Variants in AGBL5 observed in about 807,000 individuals in gnomAD.
The protein encoded by AGBL5 is cytosolic carboxypeptidase-like protein 5.
In AGBL5, 51 loss-of-function variants were observed where a neutral mutation model predicts 88.0. The ratio of observed to expected loss-of-function variants is 0.58; its 90% CI spans 0.46 to 0.73. AGBL5 has a LOEUF of 0.73. Ranked by LOEUF, AGBL5 falls within the 30% of genes least tolerant of loss-of-function variation. The probability of loss-of-function intolerance (pLI) is 0.00; values close to 1 mark genes in which losing one functional copy is unlikely to be tolerated. For synonymous variants in AGBL5, 446 were observed against 438.8 expected (o/e 1.02, Z -0.21); for missense variants, 1,031 against 1,162.2 (o/e 0.89, Z 1.64).
chr2:27,066,234 C>CAAAAAA (rs5830033), intron 11 of AGBL5, among the ~76,000 whole-genome samples: 3 of 84,460 alleles, frequency 3.6e-5, no homozygotes, highest in Non-Finnish European at 7.5e-5. Context: ...ACCCTGTCTC[C>CAAAAAA]AAAAAAAAAA....
In AGBL5 at chr2:27,068,665, A is replaced by C; in HGVS notation, c.2276A>C (p.Lys759Thr). The change falls in exon 13 of 15, where the codon AAA (lysine) becomes ACA (threonine). Residue 759 changes from lysine (K) to threonine (T), a missense_variant. Physicochemically the swap from Lys to Thr is moderately conservative, Grantham distance 78 (BLOSUM62 -1). Transcript: ENST00000360131. ...SSCSLLSSGD[K>T]PEAVMVIGKG... Reference sequence around the variant, plus strand: ...TGCTCACTCTTGTCCTCTGGAGACAAACCAGAGGCTGTCATGGTAATCGGG... The same window carrying C: ...TGCTCACTCTTGTCCTCTGGAGACACACCAGAGGCTGTCATGGTAATCGGG... 3 of 1,614,126 alleles carry C rather than the reference A, an allele frequency of 1.9e-6. No individual in the cohort carries two copies. The highest frequency in any genetic ancestry group is 2.5e-6 in the Non-Finnish European group (3 of 1,180,024).
chr2:27,057,814 G>A (rs1272066647), intron 9 of AGBL5, among the ~76,000 whole-genome samples: 1 of 152,190 alleles, frequency 6.6e-6, no homozygotes, highest in Non-Finnish European at 1.5e-5. Flanking sequence ...GGTGGCTCAT[G>A]CCTATAATCC....
intron 12 of AGBL5, 119 bp from the exon 13 acceptor site, chr2:27,068,513 C>T: frequency 3.8e-6 from 3 of 794,368 alleles, no homozygotes; most frequent in South Asian, 1.7e-5. Context: ...CTACTCCCCA[C>T]GATAAAGAAT....
Position 27,057,354 on chromosome 2 carries a change from T to C in AGBL5, c.1587T>C (p.Pro529=). The change falls in exon 9 of 15, where the codon CCT becomes CCC. Residue 529 remains proline (P), a synonymous_variant. Coordinates refer to ENST00000360131, the MANE Select transcript of AGBL5 (RefSeq NM_021831.6). ...YNTGRSVNSI[P]AACHDNGRAS... is the part of the protein sequence containing the mutation. ...CTGGACGCTCAGTAAACAGCATCCC[T>C]GCTGCCTGCCATGACAATGGGCGTG... 1 of 1,614,140 alleles carries C rather than the reference T, an allele frequency of 6.2e-7. No homozygotes were observed. The highest frequency in any genetic ancestry group is 2.2e-5 in the East Asian group (1 of 44,892).
At position 27,053,911 on chromosome 2, in the gene AGBL5, T is replaced by TTTGTG. The variant is rs1263380803; in HGVS notation, c.406_410dup (p.Ser138CysfsTer33). On this transcript the variant is annotated frameshift_variant, in exon 4 of 15. Coordinates refer to ENST00000360131, the MANE Select transcript of AGBL5 (RefSeq NM_021831.6). LOFTEE classifies it high-confidence loss of function. This position sits in a 1 kb window ranked among gnomAD's most constrained non-coding sequence, Gnocchi z 4.9. ...TGCTCTTCAGATGACAGAGACGCAG[T>TTTGTG]TTGTGTTATCCTTTGTTCATCGTTT... The TTTGTG allele has an allele frequency of 6.2e-7, 1 of 1,613,250 alleles. No individual in the cohort carries two copies. The highest frequency in any genetic ancestry group is 8.5e-7 in the Non-Finnish European group (1 of 1,179,568).
intron 13 of AGBL5, 86 bp from the exon 14 acceptor site, chr2:27,069,487 C>G: frequency 6.4e-7 from 1 of 1,564,476 alleles, no homozygotes; most frequent in Non-Finnish European, 8.7e-7. Flanking sequence ...CTACAACACT[C>G]TTATGCATGG....
upstream of AGBL5, chr2:27,051,137 T>C (rs1429232064): frequency 1.3e-5 from 2 of 152,118 alleles, no homozygotes; most frequent in Admixed American, 1.3e-4. Flanking sequence ...ATAAATGTCC[T>C]GAACTGTGGT....
chr2:27,061,471 G>A (rs1572826460), intron 11 of AGBL5, among the ~76,000 whole-genome samples: 2 of 152,144 alleles, frequency 1.3e-5, no homozygotes, highest in South Asian at 4.1e-4. Flanking sequence ...TCCTGACCTC[G>A]TGATCGCCTG....
chr2:27,068,723 C>G lies in AGBL5; in HGVS notation c.2334C>G (p.Pro778=), dbSNP rs1487343295. Residue 778 remains proline (P), a synonymous_variant, in exon 13 of 15, where the codon CCC becomes CCG. Coordinates refer to ENST00000360131, the MANE Select transcript of AGBL5 (RefSeq NM_021831.6). ...KGLLGTGARM[P]CIKTRLQARP... ...TGCTAGGGACTGGAGCTCGGATGCC[C>G]TGCATCAAGACTCGATTGCAGGTAA... The G allele has an allele frequency of 1.2e-6, 2 of 1,614,078 alleles. No individual in the cohort carries two copies. The highest frequency in any genetic ancestry group is 4.5e-5 in the East Asian group (2 of 44,864).
In AGBL5 at chr2:27,054,741, G is replaced by A. The variant is rs371735590; in HGVS notation, c.663G>A (p.Glu221=). 3 of 1,613,840 alleles carry A rather than the reference G, an allele frequency of 1.9e-6. No individual in the cohort carries two copies. Among genetic ancestry groups the A allele is most frequent in the African/African-American group, 1.3e-5 (1 of 74,898 alleles). The change falls in exon 5 of 15, where the codon GAG becomes GAA. Residue 221 remains glutamate, a synonymous_variant. Coordinates refer to ENST00000360131, the MANE Select transcript of AGBL5 (RefSeq NM_021831.6). The part of the protein sequence containing the change: ...TSCHGLREDR[E]PRLEQLFPDT... ...GCCATGGGCTTCGAGAAGATCGAGA[G>A]CCCCGTCTAGAGCAGCTATTTCCTG...
chr2:27,058,163 G>C (rs910097833), intron 9 of AGBL5, among the ~76,000 whole-genome samples: 1 of 152,164 alleles, frequency 6.6e-6, no homozygotes, highest in African/African-American at 2.4e-5. Context: ...GCACCAGCCA[G>C]AAAGAAAGGA....
upstream of AGBL5, chr2:27,051,317 C>G (rs1668128899): frequency 6.6e-6 from 1 of 152,234 alleles, no homozygotes; most frequent in South Asian, 2.1e-4. Context: ...CACTACAGAA[C>G]ACAAAACGGG....
upstream of AGBL5, chr2:27,050,895 ATTTAAT>A (rs1668070240): frequency 6.6e-6 from 1 of 152,190 alleles, no homozygotes; most frequent in Non-Finnish European, 1.5e-5. Context: ...TTTAACCTCA[ATTTAAT>A]TCAATTATCC....
Position 27,053,547 on chromosome 2 carries a change from C to T in AGBL5, c.361C>T (p.Arg121Cys), listed in dbSNP as rs747996062. ...RTLPTRPRWE[R>C]IRDRPTFEMT... The stretch of plus-strand genomic sequence containing the variant: ...ACTGCCCACCCGGCCACGCTGGGAA[C>T]GCATTCGAGACCGGCCCACCTTTGA... Residue 121 changes from arginine (R) to cysteine (C), a missense_variant, in exon 3 of 15, where the codon CGC (arginine) becomes TGC (cysteine). Arg to Cys is a radical substitution (Grantham distance 180). Around this residue, in one of 2 missense-constraint regions of AGBL5, gnomAD observed 540 missense variants for 678.2 expected, o/e 0.80. Coordinates refer to ENST00000360131, the MANE Select transcript of AGBL5 (RefSeq NM_021831.6). This position sits in a 1 kb window ranked among gnomAD's most constrained non-coding sequence, Gnocchi z 4.9. 29 of 1,613,492 alleles carry T rather than the reference C, an allele frequency of 1.8e-5. 1 individual carries two copies. Among genetic ancestry groups the T allele is most frequent in the Non-Finnish European group, 1.5e-5 (18 of 1,179,870 alleles).
At chr2:27,065,156 T>C (rs929113689) in intron 11 of AGBL5, among the ~76,000 whole-genome samples, 8 of 152,196 alleles carry the variant, frequency 5.3e-5, no homozygotes, top group African/African-American at 1.4e-4. Flanking sequence ...GATTTTCATA[T>C]CCAACACGTT....
At chr2:27,050,829 G>T (rs1047909356), upstream of AGBL5, among the ~76,000 whole-genome samples, 32 of 152,202 alleles carry the variant, frequency 2.1e-4, no homozygotes, top group African/African-American at 7.5e-4. Flanking sequence ...TGGATAGGGC[G>T]TGGCAATCCT....
At position 27,055,919 on chromosome 2, in the gene AGBL5, C is replaced by G; in HGVS notation, c.1146C>G (p.Asp382Glu). Reference sequence around the variant, plus strand: ...AAGCTCAGTGTGGGCACTCAGCTGACAGGCATAACGCTGAAGCCTGGAAAC... The same window carrying G: ...AAGCTCAGTGTGGGCACTCAGCTGAGAGGCATAACGCTGAAGCCTGGAAAC... ...QNEAQCGHSA[D>E]RHNAEAWKQT... The change falls in exon 7 of 15, where the codon GAC becomes GAG. Residue 382 changes from aspartate to glutamate, a missense_variant. By Grantham distance (45) the Asp-to-Glu change is conservative. Coordinates refer to ENST00000360131, the MANE Select transcript of AGBL5 (RefSeq NM_021831.6). 1 of 1,614,220 alleles carries G rather than the reference C, an allele frequency of 6.2e-7. No individual in the cohort carries two copies. Among genetic ancestry groups the G allele is most frequent in the Non-Finnish European group, 8.5e-7 (1 of 1,180,044 alleles).
Position 27,055,959 on chromosome 2 carries a change from G to C in AGBL5, c.1186G>C (p.Glu396Gln), listed in dbSNP as rs1295127598. The change falls in exon 7 of 15, where the codon GAA becomes CAA. Residue 396 changes from glutamate to glutamine, a missense_variant. Transcript: ENST00000360131. ...AEAWKQTEPA[E>Q]QKLNSVWIMP... Reference sequence around the variant, plus strand: ...AGCCTGGAAACAAACAGAGCCAGCAGAACAGAAGCTCAACAGTGTGTGGAT... The same window carrying C: ...AGCCTGGAAACAAACAGAGCCAGCACAACAGAAGCTCAACAGTGTGTGGAT... The C allele has an allele frequency of 1.2e-6, 2 of 1,614,114 alleles. No individual in the cohort carries two copies. The highest frequency in any genetic ancestry group is 2.7e-5 in the African/African-American group (2 of 74,938).
chr2:27,055,344 G>A (rs1268111741), intron 6 of AGBL5, 91 bp downstream of exon 6: 1 of 1,498,202 alleles, frequency 6.7e-7, no homozygotes, highest in African/African-American at 1.4e-5. Flanking sequence ...TGGCTTCTGT[G>A]TTCCCAGTCC....
Sources: allele counts gnomAD v4.1 joint callset (sites outside exome capture counted in the v4.1 genomes callset), GRCh38; gene constraint gnomAD v4.1.1; regional missense constraint gnomAD v4.1.1; non-coding constraint Gnocchi (gnomAD v3.1); transcripts MANE v1.5; gene names NCBI Gene and HGNC (gene_info 2026-07-23, HGNC 2026-07-21).